ZNF250: variants seen among roughly 807,000 people sequenced by gnomAD.
ZNF250 encodes zinc finger protein (clone 647).
In ZNF250, 13 loss-of-function variants were observed where a neutral mutation model predicts 37.1. The ratio of observed to expected loss-of-function variants is 0.35; its 90% CI spans 0.23 to 0.56. The LOEUF is 0.56. Ranked by LOEUF, ZNF250 falls within the 20% of genes least tolerant of loss-of-function variation. ZNF250 has a pLI of 0.87. For synonymous variants in ZNF250, 251 were observed against 265.6 expected (o/e 0.94, Z 0.54); for missense variants, 474 against 697.9 (o/e 0.68, Z 3.61).
intron 1 of ZNF250, among the ~76,000 whole-genome samples, chr8:144,896,899 C>T (rs1199594199): frequency 1.3e-5 from 2 of 152,184 alleles, no homozygotes; most frequent in African/African-American, 4.8e-5. Flanking sequence ...CCCTCCCACC[C>T]ACTGGTTACA....
intron 4 of ZNF250, among the ~76,000 whole-genome samples, chr8:144,889,020 A>G (rs554208612): frequency 1.3e-5 from 2 of 152,264 alleles, no homozygotes; most frequent in African/African-American, 4.8e-5. Flanking sequence ...CACCCGCCTC[A>G]GTCTCCCAAA....
intron 1 of ZNF250, among the ~76,000 whole-genome samples, chr8:144,894,733 A>G (rs1832593613): frequency 6.6e-6 from 1 of 152,038 alleles, no homozygotes; most frequent in Admixed American, 6.6e-5. Flanking sequence ...TCACAGCTCA[A>G]TGCAGCCTCC....
chr8:144,883,441 G>A (rs762936193), intron 5 of ZNF250, among the ~76,000 whole-genome samples: 20 of 152,020 alleles, frequency 1.3e-4, no homozygotes, highest in Non-Finnish European at 2.6e-4. Flanking sequence ...CTGGGGTCAA[G>A]CGATTCTCGT....
At chr8:144,900,651 A>T (rs1459441106) in intron 1 of ZNF250, among the ~76,000 whole-genome samples, 3 of 152,228 alleles carry the variant, frequency 2.0e-5, no homozygotes, top group Non-Finnish European at 4.4e-5. Context: ...GGGCTCTAAC[A>T]CAGTAACAGA....
At chr8:144,889,345 T>C (rs1332734587) in intron 4 of ZNF250, among the ~76,000 whole-genome samples, 6 of 152,366 alleles carry the variant, frequency 3.9e-5, no homozygotes, top group Admixed American at 6.5e-5. Context: ...TAACTTCCTC[T>C]ACATGGCTCT....
intron 3 of ZNF250, 32 bp downstream of exon 3, chr8:144,889,901 A>G (rs769025467): frequency 8.3e-6 from 13 of 1,572,958 alleles, no homozygotes; most frequent in Non-Finnish European, 1.1e-5. Flanking sequence ...CAATACGCAG[A>G]TACATAGACG....
intron 5 of ZNF250, 141 bp downstream of exon 5, chr8:144,886,699 C>A (rs2129744715): frequency 3.2e-6 from 2 of 622,150 alleles, no homozygotes; most frequent in Admixed American, 3.3e-5. Flanking sequence ...ACACAAAAAG[C>A]CCCTCCCTGG....
rs530254222 is a variant in ZNF250 at position 144,899,207 on chromosome 8, T to G, written c.-55+2192A>C. Among the ~76,000 whole-genome samples the G allele has an allele frequency of 6.6e-5, 10 of 151,914 alleles. No individual in the cohort carries two copies. The East Asian group carries it at 1.9e-3, about 29-fold the overall frequency. Reference sequence around the variant, plus strand: ...CCCATGGAGGTAGAGGGTAGAATGATGATTACCAGAGGATGGGAAGGGTGG... The same window carrying G: ...CCCATGGAGGTAGAGGGTAGAATGAGGATTACCAGAGGATGGGAAGGGTGG... On this transcript the variant is annotated intron_variant, in intron 1 of 5. Transcript: ENST00000417550.
intron 5 of ZNF250, among the ~76,000 whole-genome samples, chr8:144,884,992 C>G (rs1404185155): frequency 6.6e-6 from 1 of 152,126 alleles, no homozygotes; most frequent in Non-Finnish European, 1.5e-5. Flanking sequence ...TTTGTGCCTA[C>G]TTTTCTTTTT....
chr8:144,896,859 A>G (rs1832761332), intron 1 of ZNF250, among the ~76,000 whole-genome samples: 1 of 152,124 alleles, frequency 6.6e-6, no homozygotes, highest in Admixed American at 6.5e-5. Flanking sequence ...TATAAAGAAC[A>G]CCCACTCAGG....
chr8:144,881,543 T>TG lies in ZNF250; in HGVS notation c.1639dup (p.Gln547ProfsTer14). On this transcript the variant is annotated frameshift_variant, in exon 6 of 6. Transcript: ENST00000417550. LOFTEE classifies it high-confidence loss of function. ...CAACTTTCTGTGCACTTTCTGGTGC[T>TG]GGATTAGGTGGCCATGCTGGTTGAA... The TG allele has an allele frequency of 6.3e-7, 1 of 1,599,786 alleles. No individual in the cohort carries two copies. The highest frequency in any genetic ancestry group is 1.1e-5 in the South Asian group (1 of 90,364).
Position 144,898,314 on chromosome 8 carries a change from T to C in ZNF250, c.-55+3085A>G, listed in dbSNP as rs186949632. ...TCCATCTCAAAAGAAAAAAAGCAAA[T>C]AAACAAACAAACAAAACAAAACAAA... On this transcript the variant is annotated intron_variant, in intron 1 of 5. Transcript: ENST00000417550. 3.7e-3 allele frequency among the ~76,000 whole-genome samples: 555 copies of C among 149,728 alleles called. 13 individuals are homozygous for C. Among genetic ancestry groups the C allele is most frequent in the Admixed American group, 0.034 (509 of 15,014 alleles).
Position 144,882,266 on chromosome 8 carries a change from T to C in ZNF250, c.917A>G (p.Tyr306Cys). The change falls in exon 6 of 6, where the codon TAT becomes TGT. Residue 306 changes from tyrosine to cysteine, a missense_variant. By Grantham distance (194) the Tyr-to-Cys change is radical. Around this residue, in one of 2 missense-constraint regions of ZNF250, gnomAD observed 282 missense variants for 470.4 expected, o/e 0.60. Transcript: ENST00000417550. This position sits in a 1 kb window ranked among gnomAD's most constrained non-coding sequence, Gnocchi z 5.5. ...GGCTTTCCCACACAACGGACACACA[T>C]ATGGCCTTTCTCCCGTGTGGATCCG... ...HQRIHTGERP[Y>C]VCPLCGKAFN... is the part of the protein sequence containing the mutation. The C allele has an allele frequency of 6.2e-7, 1 of 1,614,048 alleles. No individual in the cohort carries two copies. The highest frequency in any genetic ancestry group is 8.5e-7 in the Non-Finnish European group (1 of 1,179,938).
intron 1 of ZNF250, among the ~76,000 whole-genome samples, chr8:144,899,834 C>G (rs1832983226): frequency 6.6e-6 from 1 of 152,128 alleles, no homozygotes; most frequent in Non-Finnish European, 1.5e-5. Flanking sequence ...AAATAAATTC[C>G]AGACGTATCC....
chr8:144,899,709 T>C (rs1832975997), intron 1 of ZNF250, among the ~76,000 whole-genome samples: 1 of 152,144 alleles, frequency 6.6e-6, no homozygotes, highest in Non-Finnish European at 1.5e-5. Context: ...AACAATTTAG[T>C]ATATGACAAA....
At chr8:144,883,808 T>G (rs1481686031) in intron 5 of ZNF250, among the ~76,000 whole-genome samples, 4 of 152,140 alleles carry the variant, frequency 2.6e-5, no homozygotes, top group Non-Finnish European at 5.9e-5. Flanking sequence ...GTGGAGACTC[T>G]TCTGGGAGCA....
chr8:144,881,541 G>A lies in ZNF250; in HGVS notation c.1642C>T (p.His548Tyr). ...CACAACTTTCTGTGCACTTTCTGGT[G>A]CTGGATTAGGTGGCCATGCTGGTTG... The part of the protein sequence containing the change: ...AFNQHGHLIQ[H>Y]QKVHRKL Residue 548 changes from histidine to tyrosine, a missense_variant, in exon 6 of 6, where the codon CAC becomes TAC. This residue lies in a region of ZNF250 where 282 missense variants were observed against 470.4 expected (regional missense o/e 0.60). Transcript: ENST00000417550. The A allele has an allele frequency of 6.3e-7, 1 of 1,598,438 alleles. No homozygotes were observed. Among genetic ancestry groups the A allele is most frequent in the African/African-American group, 1.3e-5 (1 of 74,794 alleles).
In ZNF250 at chr8:144,901,336, C is replaced by G. The variant is rs1833094037; in HGVS notation, c.-55+63G>C. ...GTCCACGATTCGTGTGGAGGACGCA[C>G]CGGCTCCGGTGTCCGTGATGGGAGA... On this transcript the variant is annotated intron_variant, in intron 1 of 5. Coordinates refer to ENST00000417550, the MANE Select transcript of ZNF250 (RefSeq NM_001109689.4). This position sits in a 1 kb window ranked among gnomAD's most constrained non-coding sequence, Gnocchi z 5.4. The G allele has an allele frequency of 6.6e-6, 1 of 152,302 alleles. No individual in the cohort carries two copies. Among genetic ancestry groups the G allele is most frequent in the Non-Finnish European group, 1.5e-5 (1 of 68,116 alleles). 9.4% of individuals were successfully genotyped at this position (152,302 alleles called of 1,614,324 possible).
intron 1 of ZNF250, among the ~76,000 whole-genome samples, chr8:144,898,929 A>G (rs898834082): frequency 5.9e-5 from 9 of 152,250 alleles, no homozygotes; most frequent in African/African-American, 1.9e-4. Flanking sequence ...ATATCTGAAC[A>G]TACATGTTGA....
Sources: allele counts gnomAD v4.1 joint callset (sites outside exome capture counted in the v4.1 genomes callset), GRCh38; gene constraint gnomAD v4.1.1; regional missense constraint gnomAD v4.1.1; non-coding constraint Gnocchi (gnomAD v3.1); transcripts MANE v1.5; gene names NCBI Gene and HGNC (gene_info 2026-07-23, HGNC 2026-07-21).